Variants in TEX9 observed in about 807,000 individuals in gnomAD.
The protein encoded by TEX9 is testis expressed 9, also known as testis-expressed protein 9.
TEX9 carries 74 observed loss-of-function variants against 59.6 expected under a neutral mutation model. The ratio of observed to expected loss-of-function variants is 1.24; its 90% CI spans 1.03 to 1.51. The LOEUF is 1.51. TEX9 is among the 40% of genes most tolerant of loss of function. TEX9 has a pLI of 0.00. For synonymous variants in TEX9, 186 were observed against 152.2 expected (o/e 1.22, Z -1.64); for missense variants, 522 against 447.8 (o/e 1.17, Z -1.49).
intron 2 of TEX9, among the ~76,000 whole-genome samples, chr15:56,372,422 C>G (rs968613935): frequency 6.6e-6 from 1 of 152,052 alleles, no homozygotes; most frequent in Admixed American, 6.5e-5. Context: ...AACATGTCTC[C>G]TTCACAAAAC....
intron 1 of TEX9, among the ~76,000 whole-genome samples, chr15:56,350,497 G>A (rs957151534): frequency 6.6e-6 from 1 of 152,164 alleles, no homozygotes; most frequent in African/African-American, 2.4e-5. Context: ...ACATAAGAAG[G>A]TAGCCATATT....
chr15:56,456,123 T>G, the TEX9 span, among the ~76,000 whole-genome samples: 1 of 152,134 alleles, frequency 6.6e-6, no homozygotes, highest in East Asian at 1.9e-4. Flanking sequence ...TAGGAATTCA[T>G]TTTTTATAAG....
At chr15:56,380,466 A>G (rs1387105296) in intron 3 of TEX9, among the ~76,000 whole-genome samples, 3 of 152,124 alleles carry the variant, frequency 2.0e-5, no homozygotes, top group African/African-American at 4.8e-5. Flanking sequence ...TTACAGTGTT[A>G]TAATATTCTG....
chr15:56,401,966 A>G (rs1046331690), intron 9 of TEX9, among the ~76,000 whole-genome samples: 2 of 152,140 alleles, frequency 1.3e-5, no homozygotes, highest in African/African-American at 4.8e-5. Context: ...AGAATCTCTG[A>G]GACACATTTA....
At chr15:56,272,945 TTG>T (rs1491022322) in intron 1 of TEX9, among the ~76,000 whole-genome samples, 22 of 139,216 alleles carry the variant, frequency 1.6e-4, no homozygotes, top group South Asian at 2.5e-4. Context: ...TTTATTTTTT[TTG>T]TTGTTGTTGT....
At chr15:56,457,478 G>C in the TEX9 span, among the ~76,000 whole-genome samples, 1 of 152,314 alleles carries the variant, frequency 6.6e-6, no homozygotes, top group Admixed American at 6.5e-5. Flanking sequence ...TGCTGTGTGG[G>C]AATGTAAAAT....
At chr15:56,334,450 A>G (rs1165423395) in intron 1 of TEX9, among the ~76,000 whole-genome samples, 1 of 152,190 alleles carries the variant, frequency 6.6e-6, no homozygotes. Context: ...AAAATTGGAT[A>G]TCCACATGCA....
chr15:56,303,306 G>C (rs2045404178), intron 1 of TEX9, among the ~76,000 whole-genome samples: 1 of 152,108 alleles, frequency 6.6e-6, no homozygotes, highest in South Asian at 2.1e-4. Context: ...CATATGTTAG[G>C]CCACAAAACA....
chr15:56,444,132 T>C (rs1201852897), intron 12 of TEX9, among the ~76,000 whole-genome samples: 1 of 152,076 alleles, frequency 6.6e-6, no homozygotes, highest in Non-Finnish European at 1.5e-5. Context: ...CAGCACTCTA[T>C]ACTTAAGCTG....
chr15:56,434,799 C>T (rs2050691872), intron 12 of TEX9, among the ~76,000 whole-genome samples: 1 of 152,004 alleles, frequency 6.6e-6, no homozygotes, highest in African/African-American at 2.4e-5. Context: ...TTTTCAGTTT[C>T]CAACCTCCTC....
At chr15:56,343,335 T>C (rs1300025367) in intron 1 of TEX9, among the ~76,000 whole-genome samples, 1 of 151,810 alleles carries the variant, frequency 6.6e-6, no homozygotes, top group Non-Finnish European at 1.5e-5. Context: ...AAATAAACTA[T>C]AAGAAGAATA....
chr15:56,320,632 A>G (rs61010710), intron 1 of TEX9, among the ~76,000 whole-genome samples: 57,222 of 152,022 alleles, frequency 0.38, 11,123 homozygotes, highest in Middle Eastern at 0.53. Flanking sequence ...ATTTAACTTC[A>G]GTTACCTATT....
At chr15:56,300,700 AGAGAGAGG>A (rs1184066807) in intron 1 of TEX9, among the ~76,000 whole-genome samples, 5 of 103,672 alleles carry the variant, frequency 4.8e-5, no homozygotes, top group African/African-American at 1.1e-4. Context: ...AGAGAGAGAG[AGAGAGAGG>A]GAGAGAGAGA....
intron 1 of TEX9, among the ~76,000 whole-genome samples, chr15:56,265,836 CA>C (rs2044366787): frequency 6.6e-6 from 1 of 152,006 alleles, no homozygotes; most frequent in Non-Finnish European, 1.5e-5. Context: ...ATATGAATAT[CA>C]GTTGGGTCAA....
chr15:56,341,394 G>T (rs554680829), intron 1 of TEX9, among the ~76,000 whole-genome samples: 1 of 152,130 alleles, frequency 6.6e-6, no homozygotes, highest in Non-Finnish European at 1.5e-5. Context: ...CTGCTTTAAC[G>T]TATCTTGAAT....
chr15:56,418,331 A>G (rs1348501872), intron 10 of TEX9, among the ~76,000 whole-genome samples: 4 of 151,778 alleles, frequency 2.6e-5, no homozygotes, highest in African/African-American at 4.9e-5. Context: ...TTTGCTTTCT[A>G]TGTTTAATGC....
Position 56,409,120 on chromosome 15 carries a change from C to T in TEX9, c.829-3182C>T, listed in dbSNP as rs368822696. Among the ~76,000 whole-genome samples, 520 of 151,780 alleles carry T rather than the reference C, an allele frequency of 3.4e-3. 3 individuals are homozygous for T. Among genetic ancestry groups the T allele is most frequent in the African/African-American group, 0.011 (466 of 41,360 alleles). ...CTGAGGCAGGAGAATGGCGTGAACCCGGGAGGCGGTGCTTGCAGTGAGCCG... is the reference window on the plus strand; with the variant it reads ...CTGAGGCAGGAGAATGGCGTGAACCTGGGAGGCGGTGCTTGCAGTGAGCCG... On this transcript the variant is annotated intron_variant, in intron 9 of 12. Coordinates refer to ENST00000352903, the Ensembl canonical transcript of TEX9.
the TEX9 span, chr15:56,456,353 G>A: frequency 1.3e-6 from 2 of 1,569,066 alleles, no homozygotes; most frequent in African/African-American, 2.8e-5. Flanking sequence ...AGAGTTTAAA[G>A]ATAAAGACTA....
the TEX9 span, among the ~76,000 whole-genome samples, chr15:56,455,924 C>A: frequency 6.6e-6 from 1 of 152,012 alleles, no homozygotes; most frequent in Non-Finnish European, 1.5e-5. Flanking sequence ...AAGACAGATG[C>A]ATGAAGTCAC....
Sources: gnomAD v4.1 joint callset for allele counts (sites outside exome capture counted in the v4.1 genomes callset) on GRCh38, gnomAD v4.1.1 for gene constraint, MANE v1.5 for transcripts, NCBI Gene and HGNC (gene_info 2026-07-23, HGNC 2026-07-21) for gene names.